The following SERPINI2 variants were observed in gnomAD, a reference collection of about 807,000 sequenced individuals.
The protein encoded by SERPINI2 is serpin family I member 2.
A neutral mutation model predicts 47.3 loss-of-function variants in SERPINI2; 48 were observed. The ratio of observed to expected loss-of-function variants is 1.02; its 90% CI spans 0.81 to 1.29. SERPINI2 has a LOEUF of 1.29. SERPINI2 is among the 50% of genes most tolerant of loss of function. The probability of loss-of-function intolerance (pLI) is 0.00; values close to 1 mark genes in which losing one functional copy is unlikely to be tolerated. For missense variants in SERPINI2, 448 were observed against 456.9 expected (o/e 0.98, Z 0.18); for synonymous variants, 135 against 149.3 (o/e 0.90, Z 0.70).
chr3:167,463,136 A>T (rs1449180810), intron 5 of SERPINI2, among the ~76,000 whole-genome samples: 1 of 146,632 alleles, frequency 6.8e-6, no homozygotes, highest in South Asian at 2.2e-4. Context: ...AAACTCAGTA[A>T]TTTTTTTTTT....
At chr3:167,453,879 G>A (rs1479749962) in intron 5 of SERPINI2, among the ~76,000 whole-genome samples, 1 of 151,904 alleles carries the variant, frequency 6.6e-6, no homozygotes, top group Non-Finnish European at 1.5e-5. Flanking sequence ...AAATAAAAGT[G>A]GGGGTGGGGG....
intron 5 of SERPINI2, among the ~76,000 whole-genome samples, chr3:167,459,811 C>A (rs953977152): frequency 6.6e-6 from 1 of 151,826 alleles, no homozygotes; most frequent in African/African-American, 2.4e-5. Flanking sequence ...TGTGTTGAAG[C>A]CCTAACCCCC....
chr3:167,442,344 T>G (rs1749351564), intron 8 of SERPINI2, among the ~76,000 whole-genome samples, 159 bp from the exon 9 acceptor site: 1 of 152,176 alleles, frequency 6.6e-6, no homozygotes, highest in Admixed American at 6.5e-5. Context: ...TTGTCTCAAA[T>G]TCATAATTAT....
At chr3:167,464,305 T>A (rs940557723) in intron 5 of SERPINI2, among the ~76,000 whole-genome samples, 1 of 152,100 alleles carries the variant, frequency 6.6e-6, no homozygotes, top group Non-Finnish European at 1.5e-5. Context: ...TGAGCCACCA[T>A]GCCTGGCCAG....
chr3:167,453,258 AGAAATTGCATTTTTTTTT>A (rs1237112411), intron 5 of SERPINI2, among the ~76,000 whole-genome samples: 1 of 151,414 alleles, frequency 6.6e-6, no homozygotes, highest in African/African-American at 2.5e-5. Flanking sequence ...AAGAGGGAAC[AGAAATTGCATTTTTTTTT>A]GAAGTAACAA....
chr3:167,457,493 C>T (rs550890877), intron 5 of SERPINI2, among the ~76,000 whole-genome samples: 3 of 152,320 alleles, frequency 2.0e-5, no homozygotes, highest in Admixed American at 1.3e-4. Context: ...TTACTATTCC[C>T]AGTGAGGCTG....
chr3:167,471,453 C>A (rs928418255), intron 2 of SERPINI2, 135 bp downstream of exon 2: 7 of 801,772 alleles, frequency 8.7e-6, no homozygotes, highest in Non-Finnish European at 1.1e-5. Flanking sequence ...ATTTACAATT[C>A]TCCATTTTAT....
intron 8 of SERPINI2, 149 bp from the exon 9 acceptor site, chr3:167,442,334 T>C (rs1198909947): frequency 8.1e-6 from 4 of 495,816 alleles, no homozygotes; most frequent in Non-Finnish European, 1.4e-5. Context: ...GCCTTCTCCT[T>C]TGTCTCAAAT....
intron 5 of SERPINI2, among the ~76,000 whole-genome samples, chr3:167,457,945 A>G (rs1033037911): frequency 1.3e-5 from 2 of 152,206 alleles, no homozygotes; most frequent in Non-Finnish European, 2.9e-5. Flanking sequence ...TAAATGAGGA[A>G]GAGGGAAATT....
chr3:167,456,215 G>A (rs569332190), intron 5 of SERPINI2, among the ~76,000 whole-genome samples: 6 of 149,746 alleles, frequency 4.0e-5, no homozygotes, highest in Middle Eastern at 3.5e-3. Context: ...CTCTATTAAC[G>A]TCACAGGCTG....
At chr3:167,443,258 C>T (rs1047541447) in intron 8 of SERPINI2, among the ~76,000 whole-genome samples, 11 of 152,116 alleles carry the variant, frequency 7.2e-5, no homozygotes, top group African/African-American at 2.2e-4. Flanking sequence ...TAGGTGCCCG[C>T]CACCACGCCT....
intron 5 of SERPINI2, among the ~76,000 whole-genome samples, chr3:167,457,925 G>A (rs1749848482): frequency 6.6e-6 from 1 of 152,176 alleles, no homozygotes; most frequent in African/African-American, 2.4e-5. Context: ...CCGTTGGCAG[G>A]GGTGGGGGAT....
intron 8 of SERPINI2, among the ~76,000 whole-genome samples, chr3:167,443,178 G>A (rs1362035557): frequency 6.6e-6 from 1 of 152,158 alleles, no homozygotes; most frequent in Non-Finnish European, 1.5e-5. Context: ...CGGGATCTCC[G>A]CTCATTGCAA....
chr3:167,465,157 T>C lies in SERPINI2; in HGVS notation c.866+49A>G, dbSNP rs756595175. The C allele has an allele frequency of 7.4e-6, 11 of 1,477,896 alleles. No homozygotes were observed. In the South Asian group the frequency reaches 1.2e-4, roughly 16 times the overall value. 91.5% of individuals were successfully genotyped at this position (1,477,896 alleles called of 1,614,324 possible). ...CCTTTCAGCTGACTGCTCAAATTCC[T>C]ATGTGAGTGGAAACGTAAGAACTCG... On this transcript the variant is annotated intron_variant, in intron 5 of 8. Coordinates refer to ENST00000264677, the Ensembl canonical transcript of SERPINI2.
chr3:167,468,023 C>T (rs190564455), intron 2 of SERPINI2, among the ~76,000 whole-genome samples: 6 of 152,232 alleles, frequency 3.9e-5, no homozygotes, highest in Non-Finnish European at 7.4e-5. Context: ...GCTATATATG[C>T]GTATGAGAGA....
intron 5 of SERPINI2, among the ~76,000 whole-genome samples, chr3:167,453,853 C>A (rs529298002): frequency 6.6e-6 from 1 of 151,704 alleles, no homozygotes; most frequent in East Asian, 2.0e-4. Context: ...AATCACTGAA[C>A]CTCACTTTCC....
chr3:167,469,263 T>G (rs1049030811), intron 2 of SERPINI2: 33 of 152,198 alleles, frequency 2.2e-4, no homozygotes, highest in Non-Finnish European at 3.4e-4. Flanking sequence ...ATGTGGCTCT[T>G]GATTTGATTG....
chr3:167,448,846 C>T (rs11923369), intron 7 of SERPINI2, among the ~76,000 whole-genome samples: 13,685 of 152,206 alleles, frequency 0.09, 637 homozygotes, highest in Non-Finnish European at 0.11. Flanking sequence ...GTTTTTAAAG[C>T]TTCCCAGGTG....
At chr3:167,469,812 A>G (rs1750254657) in intron 2 of SERPINI2, among the ~76,000 whole-genome samples, 2 of 152,168 alleles carry the variant, frequency 1.3e-5, no homozygotes, top group African/African-American at 4.8e-5. Flanking sequence ...TTGCTCTTAT[A>G]TTCTTAATCC....
Sources: gnomAD v4.1 joint callset for allele counts (sites outside exome capture counted in the v4.1 genomes callset) on GRCh38, gnomAD v4.1.1 for gene constraint, MANE v1.5 for transcripts, NCBI Gene and HGNC (gene_info 2026-07-23, HGNC 2026-07-21) for gene names.